PDGFRL: variants seen among roughly 807,000 people sequenced by gnomAD.
PDGFRL encodes the protein platelet-derived growth factor receptor-like protein.
Under a neutral mutation model 37.2 loss-of-function variants are expected in PDGFRL, and 46 were observed. The observed-to-expected ratio is 1.24, with a 90% CI of 0.98 to 1.58. PDGFRL has a LOEUF of 1.58. Ranked by LOEUF, PDGFRL falls within the 40% of genes most tolerant of loss-of-function variation. PDGFRL has a pLI of 0.00. For synonymous variants in PDGFRL, 251 were observed against 184.3 expected (o/e 1.36, Z -2.93); for missense variants, 692 against 467.6 (o/e 1.48, Z -4.43).
At chr8:17,630,347 T>A (rs564739439) in intron 4 of PDGFRL, among the ~76,000 whole-genome samples, 1 of 152,350 alleles carries the variant, frequency 6.6e-6, no homozygotes, top group South Asian at 2.1e-4. Context: ...TTTCATAGCA[T>A]TTATACATGA....
chr8:17,638,950 G>A (rs576161790), intron 5 of PDGFRL, among the ~76,000 whole-genome samples: 1 of 151,656 alleles, frequency 6.6e-6, no homozygotes, highest in South Asian at 2.1e-4. Context: ...TAAGGAGGCT[G>A]AGGCACAAGA....
intron 4 of PDGFRL, among the ~76,000 whole-genome samples, chr8:17,630,674 GGGAAGTAAGTGAGAGAGGTCAGA>G (rs1287924235): frequency 6.6e-6 from 1 of 152,180 alleles, no homozygotes; most frequent in Non-Finnish European, 1.5e-5. Flanking sequence ...ACCAGGTTAG[GGGAAGTAAGTGAGAGAGGTCAGA>G]GGAAGTAAGT....
intron 1 of PDGFRL, among the ~76,000 whole-genome samples, chr8:17,577,975 C>T (rs1053067750): frequency 6.6e-6 from 1 of 151,828 alleles, no homozygotes; most frequent in Non-Finnish European, 1.5e-5. Flanking sequence ...GACCGCTGCG[C>T]GTTTTTGAAT....
At chr8:17,615,845 G>A (rs1407817356) in intron 2 of PDGFRL, among the ~76,000 whole-genome samples, 1 of 152,208 alleles carries the variant, frequency 6.6e-6, no homozygotes, top group East Asian at 1.9e-4. Flanking sequence ...GGAGTTTGAG[G>A]CTGTAGTGAG....
chr8:17,587,993 G>C (rs1803852867), intron 1 of PDGFRL, among the ~76,000 whole-genome samples: 3 of 152,026 alleles, frequency 2.0e-5, no homozygotes, highest in Admixed American at 1.3e-4. Flanking sequence ...GCTTAGCTGA[G>C]ATTTTTAGAG....
intron 2 of PDGFRL, 47 bp downstream of exon 2, chr8:17,589,812 G>C: frequency 8.8e-7 from 1 of 1,134,174 alleles, no homozygotes; most frequent in Non-Finnish European, 1.3e-6. Context: ...ATTTGTAATA[G>C]TTAACAAAAT....
chr8:17,588,184 C>T (rs1803857137), intron 1 of PDGFRL, among the ~76,000 whole-genome samples: 1 of 152,160 alleles, frequency 6.6e-6, no homozygotes, highest in Admixed American at 6.5e-5. Context: ...ACTCCTTCCC[C>T]AGAGACATTT....
chr8:17,642,645 G>C lies in PDGFRL; in HGVS notation c.972G>C (p.Trp324Cys). 6.2e-7 allele frequency: 1 copy of C among 1,611,276 alleles called. No homozygotes were observed. Among genetic ancestry groups the C allele is most frequent in the East Asian group, 2.2e-5 (1 of 44,866 alleles). The change falls in exon 6 of 6, where the codon TGG (tryptophan) becomes TGC (cysteine). Residue 324 changes from tryptophan (W) to cysteine (C), a missense_variant. Trp to Cys is a radical substitution (Grantham distance 215). Transcript: ENST00000251630. ...DERPVTIQDT[W>C]RLIHRGLGHT... Reference sequence around the variant, plus strand: ...GGCCTGTGACGATCCAAGACACTTGGAGGTTGATCCACAGAGGACTGGGAC... The same window carrying C: ...GGCCTGTGACGATCCAAGACACTTGCAGGTTGATCCACAGAGGACTGGGAC...
chr8:17,579,705 C>G (rs868657204), intron 1 of PDGFRL, among the ~76,000 whole-genome samples: 3 of 152,106 alleles, frequency 2.0e-5, no homozygotes, highest in African/African-American at 7.2e-5. Context: ...GAGGAAAAGA[C>G]TTCCCTGCAA....
chr8:17,605,377 T>G (rs149582422), intron 2 of PDGFRL, among the ~76,000 whole-genome samples: 1 of 152,354 alleles, frequency 6.6e-6, no homozygotes, highest in African/African-American at 2.4e-5. Flanking sequence ...TTAAATTTTT[T>G]CTTGCATTTT....
At chr8:17,598,500 C>T (rs1231335635) in intron 2 of PDGFRL, among the ~76,000 whole-genome samples, 1 of 152,190 alleles carries the variant, frequency 6.6e-6, no homozygotes, top group Non-Finnish European at 1.5e-5. Flanking sequence ...GTTTAGGCCG[C>T]ATGTCAGAAG....
At chr8:17,600,056 C>G (rs1035046031) in intron 2 of PDGFRL, among the ~76,000 whole-genome samples, 1 of 152,210 alleles carries the variant, frequency 6.6e-6, no homozygotes, top group Non-Finnish European at 1.5e-5. Flanking sequence ...ATCTTCCTCT[C>G]TGATAACCTT....
At chr8:17,622,110 T>A (rs1003884268) in intron 3 of PDGFRL, among the ~76,000 whole-genome samples, 6 of 152,182 alleles carry the variant, frequency 3.9e-5, no homozygotes, top group African/African-American at 1.4e-4. Context: ...GGAGAACTCT[T>A]CTCTGCAGTG....
rs570790769 is a variant in PDGFRL, at chr8:17,610,859, C to T, written c.354-10192C>T. ...CCAGGAGGCAGAGGTTGCAGTGAGCCGAGATCACACCACTGCACTCCAGCC... is the reference window on the plus strand; with the variant it reads ...CCAGGAGGCAGAGGTTGCAGTGAGCTGAGATCACACCACTGCACTCCAGCC... On this transcript the variant is annotated intron_variant, in intron 2 of 5. Transcript: ENST00000251630. Among the ~76,000 whole-genome samples, 7 of 151,816 alleles carry T rather than the reference C, an allele frequency of 4.6e-5. No homozygotes were observed. The South Asian group carries it at 6.3e-4, about 14-fold the overall frequency.
At chr8:17,640,334 C>A (rs1459760544) in intron 5 of PDGFRL, among the ~76,000 whole-genome samples, 2 of 152,106 alleles carry the variant, frequency 1.3e-5, no homozygotes, top group Admixed American at 6.5e-5. Context: ...GTGTGATCTT[C>A]TGGGGTGTTA....
intron 2 of PDGFRL, among the ~76,000 whole-genome samples, chr8:17,598,269 A>C (rs567391803): frequency 6.6e-6 from 1 of 152,346 alleles, no homozygotes; most frequent in East Asian, 1.9e-4. Flanking sequence ...GTTTCCCTAG[A>C]ACCCAGTTGC....
chr8:17,597,774 G>T (rs78243536), intron 2 of PDGFRL, among the ~76,000 whole-genome samples: 2 of 152,100 alleles, frequency 1.3e-5, no homozygotes, highest in Non-Finnish European at 2.9e-5. Flanking sequence ...TAGCAAGGAT[G>T]CTGCCTCAGT....
chr8:17,597,848 A>C (rs1026248176), intron 2 of PDGFRL, among the ~76,000 whole-genome samples: 4 of 152,142 alleles, frequency 2.6e-5, no homozygotes, highest in Non-Finnish European at 5.9e-5. Context: ...GGGATTTGGG[A>C]ATTTGTTTAA....
At chr8:17,622,357 A>C (rs1301281206) in intron 3 of PDGFRL, among the ~76,000 whole-genome samples, 2 of 152,120 alleles carry the variant, frequency 1.3e-5, no homozygotes, top group Non-Finnish European at 2.9e-5. Flanking sequence ...CTGGGCAGGG[A>C]CTTTCATGAA....
Sources: gnomAD v4.1 joint callset for allele counts (sites outside exome capture counted in the v4.1 genomes callset) on GRCh38, gnomAD v4.1.1 for gene constraint, MANE v1.5 for transcripts, NCBI Gene and HGNC (gene_info 2026-07-23, HGNC 2026-07-21) for gene names.